Variants in GRM8 observed in about 807,000 individuals in gnomAD.
The protein encoded by GRM8 is glutamate metabotropic receptor 8.
Under a neutral mutation model 87.2 loss-of-function variants are expected in GRM8, and 47 were observed. The observed-to-expected ratio is 0.54, with a 90% confidence interval of 0.43 to 0.69. The LOEUF (loss-of-function observed/expected upper bound fraction) is 0.69, where lower values mean the gene tolerates loss of function less well. GRM8 is among the 30% of genes least tolerant of loss of function. GRM8 has a pLI of 0.00. For missense variants in GRM8, 1,019 were observed against 1,139.2 expected (o/e 0.89, Z 1.52); for synonymous variants, 396 against 404.5 (o/e 0.98, Z 0.25).
chr7:127,051,429 T>C (rs943414657), intron 3 of GRM8, among the ~76,000 whole-genome samples: 3 of 152,034 alleles, frequency 2.0e-5, no homozygotes, highest in African/African-American at 7.2e-5. Context: ...CAATACCCCA[T>C]GTTAAGTGGA....
intron 9 of GRM8, among the ~76,000 whole-genome samples, chr7:126,457,797 A>G (rs1803422538): frequency 6.6e-6 from 1 of 151,054 alleles, no homozygotes; most frequent in Non-Finnish European, 1.5e-5. Flanking sequence ...AATAAAGATA[A>G]AAGTCAATAA....
chr7:126,842,727 A>G (rs1269845380), intron 6 of GRM8, among the ~76,000 whole-genome samples: 2 of 152,220 alleles, frequency 1.3e-5, no homozygotes, highest in Non-Finnish European at 2.9e-5. Flanking sequence ...CTGGCTTTGA[A>G]GATAGAAGGT....
intron 2 of GRM8, among the ~76,000 whole-genome samples, chr7:127,211,505 C>A (rs1429836398): frequency 1.3e-5 from 2 of 152,210 alleles, no homozygotes; most frequent in Non-Finnish European, 2.9e-5. Flanking sequence ...ATGTTAATCT[C>A]CTTTGGCAAC....
intron 1 of GRM8, among the ~76,000 whole-genome samples, chr7:127,243,855 T>A (rs1467087936): frequency 1.3e-5 from 2 of 152,026 alleles, no homozygotes; most frequent in African/African-American, 4.8e-5. Context: ...TCTGTTTTTT[T>A]TTTTTGCAGC....
intron 2 of GRM8, among the ~76,000 whole-genome samples, chr7:127,199,350 A>C (rs1344199266): frequency 1.3e-5 from 2 of 152,268 alleles, no homozygotes; most frequent in Non-Finnish European, 2.9e-5. Flanking sequence ...TTGCTTTCAA[A>C]TAATGAGAAC....
chr7:127,223,914 TA>T (rs71177597), intron 2 of GRM8, among the ~76,000 whole-genome samples: 86,154 of 133,640 alleles, frequency 0.64, 27,695 homozygotes, highest in East Asian at 0.91. Flanking sequence ...AAATGAAATG[TA>T]AAAAAAAAAA....
intron 7 of GRM8, among the ~76,000 whole-genome samples, chr7:126,617,122 T>A (rs1799585268): frequency 6.6e-6 from 1 of 152,122 alleles, no homozygotes; most frequent in Non-Finnish European, 1.5e-5. Flanking sequence ...CTGTGAAAAT[T>A]CTCAATAAAA....
intron 3 of GRM8, among the ~76,000 whole-genome samples, chr7:127,066,060 C>CTT (rs3216294): frequency 6.6e-6 from 1 of 151,970 alleles, no homozygotes; most frequent in African/African-American, 2.4e-5. Context: ...AATTTGATGA[C>CTT]TTTTTTCCCA....
chr7:126,570,355 C>T (rs1241864029), intron 8 of GRM8, among the ~76,000 whole-genome samples: 1 of 152,160 alleles, frequency 6.6e-6, no homozygotes, highest in Non-Finnish European at 1.5e-5. Flanking sequence ...GGATATGGGT[C>T]CTAGACATCT....
At chr7:126,641,841 T>C (rs1256732457) in intron 7 of GRM8, among the ~76,000 whole-genome samples, 1 of 152,152 alleles carries the variant, frequency 6.6e-6, no homozygotes, top group African/African-American at 2.4e-5. Context: ...CACAAAGGTA[T>C]GAGGATCCAA....
intron 7 of GRM8, among the ~76,000 whole-genome samples, chr7:126,699,620 T>A (rs751215890): frequency 1.3e-5 from 2 of 152,204 alleles, no homozygotes; most frequent in Admixed American, 6.5e-5. Context: ...TTGACTTTTA[T>A]GTTTCTGCAT....
At chr7:126,970,162 T>C (rs57760561) in intron 3 of GRM8, among the ~76,000 whole-genome samples, 1 of 152,148 alleles carries the variant, frequency 6.6e-6, no homozygotes, top group African/African-American at 2.4e-5. Flanking sequence ...AGATGGTAAA[T>C]GAGCATTGGC....
intron 7 of GRM8, among the ~76,000 whole-genome samples, chr7:126,638,917 A>C (rs2237749): frequency 0.31 from 46,779 of 151,962 alleles, 8,068 homozygotes; most frequent in East Asian, 0.43. Flanking sequence ...TGGGCACCCC[A>C]CTGCCACTTC....
intron 3 of GRM8, among the ~76,000 whole-genome samples, chr7:126,937,434 T>C (rs544659834): frequency 1.3e-5 from 2 of 152,312 alleles, no homozygotes; most frequent in South Asian, 2.1e-4. Flanking sequence ...CTAGTGACTG[T>C]TGAATCACTA....
rs146671133 is a variant in GRM8 at position 127,112,738 on chromosome 7, C to A, written c.511-6026G>T. Among the ~76,000 whole-genome samples the A allele has an allele frequency of 4.6e-3, 708 of 152,326 alleles. 7 individuals carry two copies. Among genetic ancestry groups the A allele is most frequent in the African/African-American group, 0.016 (666 of 41,564 alleles). On this transcript the variant is annotated intron_variant, in intron 2 of 10. Coordinates refer to ENST00000339582, the MANE Select transcript of GRM8 (RefSeq NM_000845.3). ...AGTTCAAATCACCGAAGTGCCGCTT[C>A]AGTTGTAGCCTGTGCAGTCTTCTCG...
At chr7:126,634,209 GT>G (rs1371755615) in intron 7 of GRM8, among the ~76,000 whole-genome samples, 1 of 152,154 alleles carries the variant, frequency 6.6e-6, no homozygotes, top group Non-Finnish European at 1.5e-5. Context: ...GATTAGAAGT[GT>G]TTTAAAGTGG....
intron 3 of GRM8, among the ~76,000 whole-genome samples, chr7:126,983,876 G>A (rs1343067679): frequency 6.6e-6 from 1 of 152,190 alleles, no homozygotes; most frequent in African/African-American, 2.4e-5. Flanking sequence ...TACAGAATGG[G>A]TAGGAGAAGA....
At chr7:127,228,617 G>C (rs879071553) in intron 2 of GRM8, 1 of 152,032 alleles carries the variant, frequency 6.6e-6, no homozygotes, top group Admixed American at 6.6e-5. Context: ...CCAATTCTAA[G>C]GTTTCATGAT....
chr7:126,686,283 A>C (rs1808178861), intron 7 of GRM8, among the ~76,000 whole-genome samples: 1 of 152,058 alleles, frequency 6.6e-6, no homozygotes, highest in Non-Finnish European at 1.5e-5. Context: ...TGCATATTTC[A>C]TTCTTCCTGG....
Sources: allele counts gnomAD v4.1 joint callset (sites outside exome capture counted in the v4.1 genomes callset), GRCh38; gene constraint gnomAD v4.1.1; transcripts MANE v1.5; gene names NCBI Gene and HGNC (gene_info 2026-07-23, HGNC 2026-07-21).